OTOGL: variants seen among roughly 807,000 people sequenced by gnomAD.
OTOGL encodes otogelin-like protein.
A neutral mutation model predicts 318.5 loss-of-function variants in OTOGL; 285 were observed. The observed-to-expected ratio is 0.89, with a 90% CI of 0.81 to 0.99. OTOGL has a LOEUF of 0.99. Ranked by LOEUF, OTOGL falls within the 50% of genes least tolerant of loss-of-function variation. The probability of loss-of-function intolerance (pLI) is 0.00; values close to 1 mark genes in which losing one functional copy is unlikely to be tolerated. For missense variants in OTOGL, 2,899 were observed against 2,845.6 expected (o/e 1.02, Z -0.43); for synonymous variants, 987 against 936.5 (o/e 1.05, Z -0.99).
chr12:80,242,416 A>G (rs1040161170), intron 11 of OTOGL, among the ~76,000 whole-genome samples: 2 of 152,126 alleles, frequency 1.3e-5, no homozygotes, highest in Admixed American at 6.5e-5. Flanking sequence ...AATTAAGTGG[A>G]CGTTGATAAA....
intron 1 of OTOGL, among the ~76,000 whole-genome samples, chr12:80,118,864 G>GT (rs57197692): frequency 0.058 from 7,570 of 130,446 alleles, 244 homozygotes; most frequent in South Asian, 0.11. Flanking sequence ...TCTTAGATCT[G>GT]TTTTTTTTTT....
chr12:80,273,853 TTTTTCA>T (rs1305044261), intron 24 of OTOGL, among the ~76,000 whole-genome samples: 1 of 152,082 alleles, frequency 6.6e-6, no homozygotes, highest in Non-Finnish European at 1.5e-5. Flanking sequence ...ATTTCAGAAC[TTTTTCA>T]TTATCATTAT....
Position 80,239,905 on chromosome 12 carries a change from G to C in OTOGL, c.1052+466G>C, listed in dbSNP as rs149873007. 2.1e-5 allele frequency among the ~76,000 whole-genome samples: 3 copies of C among 144,878 alleles called. No homozygotes were observed. The East Asian group carries it at 6.3e-4, about 31-fold the overall frequency. On this transcript the variant is annotated intron_variant, in intron 11 of 58. Transcript: ENST00000547103. Reference sequence around the variant, plus strand: ...CTCTCTCCTACCCTTCCTGGACTCTGGTAACCACCAATCTACACTCTATCT... The same window carrying C: ...CTCTCTCCTACCCTTCCTGGACTCTCGTAACCACCAATCTACACTCTATCT...
intron 1 of OTOGL, among the ~76,000 whole-genome samples, chr12:80,197,766 G>A (rs923133933): frequency 2.0e-5 from 3 of 152,224 alleles, no homozygotes; most frequent in Non-Finnish European, 4.4e-5. Context: ...GCCCGCAGAG[G>A]CGTGTGGTGG....
intron 4 of OTOGL, among the ~76,000 whole-genome samples, chr12:80,212,235 A>C (rs975996812): frequency 2.0e-5 from 3 of 152,094 alleles, no homozygotes; most frequent in Non-Finnish European, 4.4e-5. Flanking sequence ...TATTCAGCTC[A>C]GTTACCTACT....
chr12:80,297,180 C>G (rs1416028893), intron 27 of OTOGL, among the ~76,000 whole-genome samples: 1 of 152,086 alleles, frequency 6.6e-6, no homozygotes, highest in Non-Finnish European at 1.5e-5. Flanking sequence ...TGCTTTCATT[C>G]CCATAGTTGC....
intron 1 of OTOGL, among the ~76,000 whole-genome samples, chr12:80,163,943 C>G (rs1041731725): frequency 3.3e-5 from 5 of 152,038 alleles, no homozygotes; most frequent in African/African-American, 4.8e-5. Context: ...ATGACAAAGG[C>G]CACAGATAAA....
chr12:80,320,829 T>C, intron 34 of OTOGL, 129 bp downstream of exon 34: 1 of 919,124 alleles, frequency 1.1e-6, no homozygotes, highest in Non-Finnish European at 1.6e-6. Flanking sequence ...CTTAAGTAAG[T>C]GTCTTAACCT....
chr12:80,244,402 T>G (rs879381075), intron 11 of OTOGL, among the ~76,000 whole-genome samples: 1 of 146,530 alleles, frequency 6.8e-6, no homozygotes, highest in African/African-American at 2.5e-5. Flanking sequence ...TTCCCACCTA[T>G]GAGTGAGAAT....
intron 1 of OTOGL, among the ~76,000 whole-genome samples, chr12:80,168,235 G>A (rs1873956313): frequency 6.6e-6 from 1 of 152,104 alleles, no homozygotes; most frequent in South Asian, 2.1e-4. Context: ...TGGGATTTCA[G>A]GCTACAAACT....
chr12:80,331,114 A>G lies in OTOGL; in HGVS notation c.4349-1891A>G, dbSNP rs1304936795. Among the ~76,000 whole-genome samples the G allele has an allele frequency of 5.9e-5, 9 of 152,298 alleles. No homozygotes were observed. The East Asian group carries it at 1.5e-3, about 26-fold the overall frequency. ...GCAGAAATTGATAAGTTAACCCTAAATTCATATGGAAGTACAAGGAACCTA... is the reference window on the plus strand; with the variant it reads ...GCAGAAATTGATAAGTTAACCCTAAGTTCATATGGAAGTACAAGGAACCTA... On this transcript the variant is annotated intron_variant, in intron 37 of 58. Coordinates refer to ENST00000547103, the MANE Select transcript of OTOGL (RefSeq NM_001378609.3).
chr12:80,133,199 C>G (rs1177111916), intron 1 of OTOGL, among the ~76,000 whole-genome samples: 1 of 151,812 alleles, frequency 6.6e-6, no homozygotes, highest in African/African-American at 2.4e-5. Flanking sequence ...AAAGAGGGCT[C>G]ATTACCTTAT....
rs754134498 is a variant in OTOGL, at chr12:80,358,708, CTG to C, written c.6162_6163del (p.Ala2055ArgfsTer21). ...PNLCPMPLLNCAEDMNLVKEN... is the reference protein window; with the variant it reads ...PNLCPMPLLNXAEDMNLVKEN... ...ACCTTTGTCCTATGCCATTACTCAA[CTG>C]TGCAGAAGATATGAATCTTGTGAAA... is the stretch of plus-strand genomic sequence containing the variant. On this transcript the variant is annotated frameshift_variant, in exon 51 of 59. Transcript: ENST00000547103. LOFTEE classifies it high-confidence loss of function. 26 of 1,613,166 alleles carry C rather than the reference CTG, an allele frequency of 1.6e-5. No individual in the cohort carries two copies. In the East Asian group the frequency reaches 5.8e-4, roughly 36 times the overall value.
At chr12:80,324,839 G>T (rs1047086619) in intron 35 of OTOGL, among the ~76,000 whole-genome samples, 5 of 152,184 alleles carry the variant, frequency 3.3e-5, no homozygotes, top group African/African-American at 4.8e-5. Context: ...TGGTCAAATA[G>T]CAGTAATTTC....
intron 32 of OTOGL, 21 bp downstream of exon 32, chr12:80,314,352 A>G: frequency 9.9e-7 from 1 of 1,009,314 alleles, no homozygotes; most frequent in South Asian, 3.1e-5. Flanking sequence ...TTCAAATTAA[A>G]AATATCACTA....
At chr12:80,102,195 A>G (rs1869181126) in intron 1 of OTOGL, among the ~76,000 whole-genome samples, 2 of 152,212 alleles carry the variant, frequency 1.3e-5, no homozygotes, top group Non-Finnish European at 2.9e-5. Context: ...TAAGTAAACT[A>G]GGGAATGTAT....
intron 1 of OTOGL, among the ~76,000 whole-genome samples, chr12:80,172,197 T>C (rs1874245450): frequency 6.6e-6 from 1 of 152,172 alleles, no homozygotes. Flanking sequence ...TTTCTTTACT[T>C]GAAATGCCTT....
At chr12:80,246,643 TC>T (rs1160246462) in intron 11 of OTOGL, among the ~76,000 whole-genome samples, 2 of 81,818 alleles carry the variant, frequency 2.4e-5, no homozygotes, top group East Asian at 5.9e-4. Flanking sequence ...TTGTGTCTCT[TC>T]CCGGCTTTGG....
chr12:80,284,490 C>CA (rs1884467701), intron 26 of OTOGL, among the ~76,000 whole-genome samples: 1 of 152,156 alleles, frequency 6.6e-6, no homozygotes, highest in African/African-American at 2.4e-5. Context: ...TTTACACTCC[C>CA]ACCAGCAGTG....
Sources: gnomAD v4.1 joint callset for allele counts (sites outside exome capture counted in the v4.1 genomes callset) on GRCh38, gnomAD v4.1.1 for gene constraint, MANE v1.5 for transcripts, NCBI Gene and HGNC (gene_info 2026-07-23, HGNC 2026-07-21) for gene names.